Variants in OR5H14 observed in about 807,000 individuals in gnomAD.
The protein encoded by OR5H14 is olfactory receptor 5H14.
For missense variants in OR5H14, 392 were observed against 363.9 expected, an observed-to-expected ratio of 1.08 and a Z score of -0.63; for synonymous variants, 155 against 130.6, an observed-to-expected ratio of 1.19 and a Z score of -1.28.
Position 98,150,537 on chromosome 3 carries a change from A to G in OR5H14, c.*219A>G. On this transcript the variant is annotated 3_prime_UTR_variant, in exon 2 of 2. Coordinates refer to ENST00000641380, the MANE Select transcript of OR5H14 (RefSeq NM_001005514.2). ...ATCAAGTCTTCATAATAGAATAATG[A>G]TAGCAGAAGCAAATAAAAATATTGT... 1 of 382,334 alleles carries G rather than the reference A, an allele frequency of 2.6e-6. No homozygotes were observed. Among genetic ancestry groups the G allele is most frequent in the Non-Finnish European group, 4.7e-6 (1 of 214,044 alleles). 23.7% of individuals were successfully genotyped at this position (382,334 alleles called of 1,614,324 possible).
Position 98,150,322 on chromosome 3 carries a change from A to G in OR5H14, c.*4A>G. ...GTTCAAAAGAAATGATGTTTAGATC[A>G]TTACTAATATCTCTTTTCTATTTAC... On this transcript the variant is annotated 3_prime_UTR_variant, in exon 2 of 2. Coordinates refer to ENST00000641380, the MANE Select transcript of OR5H14 (RefSeq NM_001005514.2). 1 of 1,510,474 alleles carries G rather than the reference A, an allele frequency of 6.6e-7. No homozygotes were observed. Among genetic ancestry groups the G allele is most frequent in the Non-Finnish European group, 8.9e-7 (1 of 1,121,960 alleles). 93.6% of individuals were successfully genotyped at this position (1,510,474 alleles called of 1,614,324 possible).
Position 98,155,185 on chromosome 3 carries a change from G to A in OR5H14, c.*4867G>A, listed in dbSNP as rs1708569580. On this transcript the variant is annotated 3_prime_UTR_variant, in exon 2 of 2. Coordinates refer to ENST00000641380, the MANE Select transcript of OR5H14 (RefSeq NM_001005514.2). ...ATTTTATCCCCAACACAACCAATCA[G>A]CTTTCCTCATTCCTTAGACCGCTGC... 1 of 152,236 alleles carries A rather than the reference G, an allele frequency of 6.6e-6. No homozygotes were observed. Among genetic ancestry groups the A allele is most frequent in the African/African-American group, 2.4e-5 (1 of 41,458 alleles). The allele number at this position is 152,236 out of a possible 1,614,324, so 9.4% of individuals were successfully genotyped here. A position where few individuals can be genotyped will look rare whatever the true frequency, so the allele number is the denominator to read the frequency against.
At chr3:98,149,180 C>T (rs1708461598) in intron 1 of OR5H14, 188 bp from the exon 2 acceptor site, 1 of 660,570 alleles carries the variant, frequency 1.5e-6, no homozygotes, top group East Asian at 2.8e-5. Flanking sequence ...CATATTACTA[C>T]CAAATTTTCA....
chr3:98,152,721 A>G lies in OR5H14; in HGVS notation c.*2403A>G, dbSNP rs1290447376. On this transcript the variant is annotated 3_prime_UTR_variant, in exon 2 of 2. Transcript: ENST00000641380. ...GCATGTGGGACTTGAAACCTAGGTGACGGGTTGATGGGTGTAGCAAAACGC... is the reference window on the plus strand; with the variant it reads ...GCATGTGGGACTTGAAACCTAGGTGGCGGGTTGATGGGTGTAGCAAAACGC... 1 of 151,964 alleles carries G rather than the reference A, an allele frequency of 6.6e-6. No homozygotes were observed. Among genetic ancestry groups the G allele is most frequent in the Non-Finnish European group, 1.5e-5 (1 of 68,012 alleles). 9.4% of individuals were successfully genotyped at this position (151,964 alleles called of 1,614,324 possible).
rs534576637 is a variant in OR5H14 at position 98,153,686 on chromosome 3, T to A, written c.*3368T>A. 1.1e-3 allele frequency: 169 copies of A among 152,350 alleles called. No individual in the cohort carries two copies. Among genetic ancestry groups the A allele is most frequent in the African/African-American group, 3.9e-3 (163 of 41,586 alleles). The allele number at this position is 152,350 out of a possible 1,614,324, so 9.4% of individuals were successfully genotyped here. On this transcript the variant is annotated 3_prime_UTR_variant, in exon 2 of 2. Transcript: ENST00000641380. ...ATTTTTAGATTTTAAGCTCAAAGCATCTTTTGATGATGGGACAAAATGGCA... is the reference window on the plus strand; with the variant it reads ...ATTTTTAGATTTTAAGCTCAAAGCAACTTTTGATGATGGGACAAAATGGCA...
At chr3:98,148,019 T>C (rs891580596) in intron 1 of OR5H14, 1 of 151,974 alleles carries the variant, frequency 6.6e-6, no homozygotes, top group African/African-American at 2.4e-5. Flanking sequence ...ACTGTAAATG[T>C]TATTGATGTA....
In OR5H14 at chr3:98,154,745, G is replaced by A. The variant is rs557999221; in HGVS notation, c.*4427G>A. 3.3e-5 allele frequency: 5 copies of A among 152,294 alleles called. No individual in the cohort carries two copies. The East Asian group carries it at 9.6e-4, about 29-fold the overall frequency. 9.4% of individuals were successfully genotyped at this position (152,294 alleles called of 1,614,324 possible). A position where few individuals can be genotyped will look rare whatever the true frequency, so the allele number is the denominator to read the frequency against. On this transcript the variant is annotated 3_prime_UTR_variant, in exon 2 of 2. Coordinates refer to ENST00000641380, the MANE Select transcript of OR5H14 (RefSeq NM_001005514.2). ...AGTGAATCTGAAATAAGAAAATCAG[G>A]CAGTGCTTCTAATCTCCAAGCTGCC... is the stretch of plus-strand genomic sequence containing the variant.
chr3:98,150,942 G>A lies in OR5H14; in HGVS notation c.*624G>A, dbSNP rs1489066438. The A allele has an allele frequency of 1.3e-5, 2 of 152,138 alleles. No individual in the cohort carries two copies. The highest frequency in any genetic ancestry group is 6.6e-5 in the Admixed American group (1 of 15,264). 9.4% of individuals were successfully genotyped at this position (152,138 alleles called of 1,614,324 possible). A position where few individuals can be genotyped will look rare whatever the true frequency, so the allele number is the denominator to read the frequency against. On this transcript the variant is annotated 3_prime_UTR_variant, in exon 2 of 2. Transcript: ENST00000641380. ...GGCAAGAGGATGCTGTTAACTCTCTGTGCTTGTATGAGTAAGAACCATGCA... is the reference window on the plus strand; with the variant it reads ...GGCAAGAGGATGCTGTTAACTCTCTATGCTTGTATGAGTAAGAACCATGCA...
rs1576104155 is a variant in OR5H14 at position 98,149,468 on chromosome 3, T to A, written c.83T>A (p.Phe28Tyr). Residue 28 changes from phenylalanine to tyrosine, a missense_variant, in exon 2 of 2, where the codon TTC becomes TAC. Transcript: ENST00000641380. Reference sequence around the variant, plus strand: ...CAACCACAGTGGAAAATACCCCTGTTCCTGGCATTCTTGGTAATATATCTC... The same window carrying A: ...CAACCACAGTGGAAAATACCCCTGTACCTGGCATTCTTGGTAATATATCTC... ...LYQPQWKIPL[F>Y]LAFLVIYLIT... The A allele has an allele frequency of 1.2e-6, 2 of 1,613,508 alleles. No individual in the cohort carries two copies. Among genetic ancestry groups the A allele is most frequent in the East Asian group, 2.2e-5 (1 of 44,856 alleles).
At position 98,154,911 on chromosome 3, in the gene OR5H14, A is replaced by G. The variant is rs1708564008; in HGVS notation, c.*4593A>G. The stretch of plus-strand genomic sequence containing the variant: ...CTGACCACCTTTGTAAAACTCACAG[A>G]TTATCACAAGATTAGAAATTATGGC... On this transcript the variant is annotated 3_prime_UTR_variant, in exon 2 of 2. Transcript: ENST00000641380. 1 of 152,206 alleles carries G rather than the reference A, an allele frequency of 6.6e-6. No individual in the cohort carries two copies. Among genetic ancestry groups the G allele is most frequent in the South Asian group, 2.1e-4 (1 of 4,834 alleles). 9.4% of individuals were successfully genotyped at this position (152,206 alleles called of 1,614,324 possible). A position where few individuals can be genotyped will look rare whatever the true frequency, so the allele number is the denominator to read the frequency against.
intron 1 of OR5H14, among the ~76,000 whole-genome samples, chr3:98,148,902 A>G (rs1270987623): frequency 2.0e-5 from 3 of 151,960 alleles, no homozygotes; most frequent in Non-Finnish European, 4.4e-5. Context: ...CCTTAGTCCA[A>G]TTTCCCCATC....
At position 98,149,985 on chromosome 3, in the gene OR5H14, T is replaced by C. The variant is rs1254498668; in HGVS notation, c.600T>C (p.Phe200=). Reference sequence around the variant, plus strand: ...CCTCTATTAACTTTCTAATGGTTTTTATTTTTGCAGGTTCAATTCAAGTTT... The same window carrying C: ...CCTCTATTAACTTTCTAATGGTTTTCATTTTTGCAGGTTCAATTCAAGTTT... ...TDSSINFLMV[F]IFAGSIQVFT... Residue 200 remains phenylalanine (F), a synonymous_variant, in exon 2 of 2, where the codon TTT becomes TTC. Coordinates refer to ENST00000641380, the MANE Select transcript of OR5H14 (RefSeq NM_001005514.2). The C allele has an allele frequency of 1.7e-5, 27 of 1,613,044 alleles. No homozygotes were observed. The highest frequency in any genetic ancestry group is 2.2e-5 in the Non-Finnish European group (26 of 1,179,558).
At chr3:98,148,199 G>T (rs1708447214) in intron 1 of OR5H14, 2 of 151,620 alleles carry the variant, frequency 1.3e-5, no homozygotes, top group Non-Finnish European at 2.9e-5. Flanking sequence ...TGAGTTTCTA[G>T]TTCTTTTGGC....
rs1348075974 is a variant in OR5H14, at chr3:98,153,917, C to CTCAA, written c.*3599_*3600insTCAA. ...GATAAGAAAACTCAAAGATAACAGA[C>CTCAA]AGAACTTGAATTTAATAATGAATGC... On this transcript the variant is annotated 3_prime_UTR_variant, in exon 2 of 2. Transcript: ENST00000641380. 6.6e-6 allele frequency: 1 copy of CTCAA among 152,084 alleles called. No homozygotes were observed. The highest frequency in any genetic ancestry group is 1.5e-5 in the Non-Finnish European group (1 of 68,024). 9.4% of individuals were successfully genotyped at this position (152,084 alleles called of 1,614,324 possible).
At position 98,154,709 on chromosome 3, in the gene OR5H14, A is replaced by G. The variant is rs949578478; in HGVS notation, c.*4391A>G. On this transcript the variant is annotated 3_prime_UTR_variant, in exon 2 of 2. Coordinates refer to ENST00000641380, the MANE Select transcript of OR5H14 (RefSeq NM_001005514.2). ...TGATGACAGAAAAATCTCACATAGG[A>G]ATATTATGACAGTGAATCTGAAATA... The G allele has an allele frequency of 6.6e-6, 1 of 152,236 alleles. No homozygotes were observed. Among genetic ancestry groups the G allele is most frequent in the Non-Finnish European group, 1.5e-5 (1 of 68,028 alleles). 9.4% of individuals were successfully genotyped at this position (152,236 alleles called of 1,614,324 possible).
Position 98,155,994 on chromosome 3 carries a change from C to T in OR5H14, c.*5676C>T, listed in dbSNP as rs1433631546. 1.3e-5 allele frequency: 2 copies of T among 152,176 alleles called. No homozygotes were observed. Among genetic ancestry groups the T allele is most frequent in the Admixed American group, 6.6e-5 (1 of 15,262 alleles). 9.4% of individuals were successfully genotyped at this position (152,176 alleles called of 1,614,324 possible). A position where few individuals can be genotyped will look rare whatever the true frequency, so the allele number is the denominator to read the frequency against. The stretch of plus-strand genomic sequence containing the variant: ...CACAATGCCCAGTTGAAGATCTTCA[C>T]TTTGTCCTACAGGAAAGCCTAAGAT... On this transcript the variant is annotated 3_prime_UTR_variant, in exon 2 of 2. Transcript: ENST00000641380.
chr3:98,149,217 T>C (rs904019200), intron 1 of OR5H14, 151 bp from the exon 2 acceptor site: 1 of 851,676 alleles, frequency 1.2e-6, no homozygotes, highest in African/African-American at 1.7e-5. Flanking sequence ...TTTTTTCATT[T>C]CTTTAACCCC....
chr3:98,149,932 C>T lies in OR5H14; in HGVS notation c.547C>T (p.Pro183Ser), dbSNP rs1486151288. The change falls in exon 2 of 2, where the codon CCA becomes TCA. Residue 183 changes from proline (P) to serine (S), a missense_variant. Coordinates refer to ENST00000641380, the MANE Select transcript of OR5H14 (RefSeq NM_001005514.2). ...ACAACACTTTTACTGTGACATTATC[C>T]CATTGTTAAAGATTTCTTATACTGA... ...IIQHFYCDII[P>S]LLKISYTDSS... 1.2e-6 allele frequency: 2 copies of T among 1,613,324 alleles called. No individual in the cohort carries two copies. Among genetic ancestry groups the T allele is most frequent in the South Asian group, 2.2e-5 (2 of 91,064 alleles).
rs1438164460 is a variant in OR5H14 at position 98,149,490 on chromosome 3, T to G, written c.105T>G (p.Tyr35Ter). Residue 35 changes from tyrosine to a stop codon, truncating the protein, a stop_gained, in exon 2 of 2, where the codon TAT becomes TAG. Coordinates refer to ENST00000641380, the MANE Select transcript of OR5H14 (RefSeq NM_001005514.2). LOFTEE classifies it low-confidence loss of function (END_TRUNC). ...TGTTCCTGGCATTCTTGGTAATATATCTCATCACCATCATGGGGAATCTTG... is the reference window on the plus strand; with the variant it reads ...TGTTCCTGGCATTCTTGGTAATATAGCTCATCACCATCATGGGGAATCTTG... Reference protein sequence around the residue: ...IPLFLAFLVIYLITIMGNLGL... With the variant: ...IPLFLAFLVI 1.9e-6 allele frequency: 3 copies of G among 1,613,342 alleles called. No individual in the cohort carries two copies. The highest frequency in any genetic ancestry group is 2.5e-6 in the Non-Finnish European group (3 of 1,179,554).
Sources: allele counts gnomAD v4.1 joint callset (sites outside exome capture counted in the v4.1 genomes callset), GRCh38; gene constraint gnomAD v4.1.1; transcripts MANE v1.5; gene names NCBI Gene and HGNC (gene_info 2026-07-23, HGNC 2026-07-21).